ZNF541: variants seen among roughly 807,000 people sequenced by gnomAD.
The protein encoded by ZNF541 is zinc finger protein 541.
Under a neutral mutation model 123.5 loss-of-function variants are expected in ZNF541, and 23 were observed. The ratio of observed to expected loss-of-function variants is 0.19; its 90% CI spans 0.13 to 0.26. The LOEUF is 0.26. ZNF541 is among the 10% of genes least tolerant of loss of function. The probability of loss-of-function intolerance (pLI) is 1.00; values close to 1 mark genes in which losing one functional copy is unlikely to be tolerated. For synonymous variants in ZNF541, 751 were observed against 754.5 expected, an observed-to-expected ratio of 1.00 and a Z score of 0.08; for missense variants, 1,612 against 1,789.9, an observed-to-expected ratio of 0.90 and a Z score of 1.79.
chr19:47,563,483 A>G (rs549249314), intron 2 of ZNF541, among the ~76,000 whole-genome samples: 1 of 151,762 alleles, frequency 6.6e-6, no homozygotes, highest in African/African-American at 2.4e-5. Flanking sequence ...CTGTAAGCCA[A>G]ATTCAAATTT....
intron 5 of ZNF541, among the ~76,000 whole-genome samples, chr19:47,542,784 A>G (rs1428277407): frequency 2.0e-5 from 3 of 152,054 alleles, no homozygotes; most frequent in African/African-American, 7.2e-5. Flanking sequence ...CGTCTCTACT[A>G]AACACACAAA....
intron 2 of ZNF541, among the ~76,000 whole-genome samples, chr19:47,558,494 C>T (rs892443930): frequency 6.6e-6 from 1 of 151,748 alleles, no homozygotes; most frequent in Admixed American, 6.6e-5. Context: ...AATTAGATAA[C>T]TTAGATACAT....
intron 4 of ZNF541, among the ~76,000 whole-genome samples, chr19:47,546,497 G>A (rs1970365614): frequency 1.3e-5 from 2 of 151,512 alleles, no homozygotes; most frequent in Admixed American, 6.6e-5. Context: ...GGGTGACAGA[G>A]TGAGACTCTA....
rs760091622 is a variant in ZNF541, at chr19:47,544,792, C to G, written c.1737G>C (p.Gln579His). The G allele has an allele frequency of 6.6e-7, 1 of 1,525,744 alleles. No homozygotes were observed. Among genetic ancestry groups the G allele is most frequent in the South Asian group, 1.2e-5 (1 of 82,756 alleles). 94.5% of individuals were successfully genotyped at this position (1,525,744 alleles called of 1,614,324 possible). The change falls in exon 5 of 17, where the codon CAG (glutamine) becomes CAC (histidine). Residue 579 changes from glutamine (Q) to histidine (H), a missense_variant. Gln to His is a conservative substitution (Grantham distance 24). Coordinates refer to ENST00000391901, the MANE Select transcript of ZNF541 (RefSeq NM_001277075.3). ...CTGGTTTGCCCTCGGGCGCAGGGAGCTGGGAGGAGACTGCTGCCACCTGGG... is the reference window on the plus strand; with the variant it reads ...CTGGTTTGCCCTCGGGCGCAGGGAGGTGGGAGGAGACTGCTGCCACCTGGG... The part of the protein sequence containing the change: ...SHAQVAAVSS[Q>H]LPAPEGKPAA...
At chr19:47,548,508 G>C (rs551453158) in intron 4 of ZNF541, among the ~76,000 whole-genome samples, 129 of 149,862 alleles carry the variant, frequency 8.6e-4, no homozygotes, top group African/African-American at 3.0e-3. Context: ...CCATGTTCTA[G>C]AAGCAGGCGT....
intron 13 of ZNF541, 51 bp from the exon 14 acceptor site, chr19:47,529,089 A>G: frequency 7.3e-7 from 1 of 1,364,762 alleles, no homozygotes; most frequent in Non-Finnish European, 1.0e-6. Context: ...CTGGGACCAC[A>G]GCCATGGCTG....
chr19:47,559,340 C>G (rs1266351996), intron 2 of ZNF541, among the ~76,000 whole-genome samples: 1 of 151,398 alleles, frequency 6.6e-6, no homozygotes. Context: ...CCACTGCACT[C>G]CAGCCTGGGC....
At chr19:47,540,839 AG>A (rs1210910975) in intron 6 of ZNF541, 53 bp downstream of exon 6, 39 of 1,524,698 alleles carry the variant, frequency 2.6e-5, no homozygotes, top group Non-Finnish European at 3.4e-5. Flanking sequence ...CGGCACAGGA[AG>A]GCCAGAGGAC....
rs367797472 is a variant in ZNF541 at position 47,531,677 on chromosome 19, G to A, written c.3370C>T (p.Leu1124=). 1.3e-6 allele frequency: 2 copies of A among 1,548,776 alleles called. No homozygotes were observed. Among genetic ancestry groups the A allele is most frequent in the African/African-American group, 2.7e-5 (2 of 73,006 alleles). The change falls in exon 12 of 17, where the codon CTG becomes TTG. Residue 1124 remains leucine, a synonymous_variant. Coordinates refer to ENST00000391901, the MANE Select transcript of ZNF541 (RefSeq NM_001277075.3). ...CCCTGAGCCTCGTGCAGGCAGTGCA[G>A]AGCGAGCTCCAGGTTGGTGCCCCCT... The part of the protein sequence containing the change: ...PGGGTNLELA[L]HCLHEAQGNV...
At position 47,528,879 on chromosome 19, in the gene ZNF541, C is replaced by T; in HGVS notation, c.3570+71G>A. ...AGGGTGGGGCCCTCCGACCCCCGAC[C>T]AGCCCTGCAGCTCTAGCTTGTCTCA... On this transcript the variant is annotated intron_variant, in intron 14 of 16. Transcript: ENST00000391901. The T allele has an allele frequency of 3.8e-6, 5 of 1,321,720 alleles. No individual in the cohort carries two copies. In the South Asian group the frequency reaches 5.1e-5, roughly 14 times the overall value. The allele number at this position is 1,321,720 out of a possible 1,614,324, so 81.9% of individuals were successfully genotyped here.
At chr19:47,540,446 T>A in intron 6 of ZNF541, 111 bp from the exon 7 acceptor site, 1 of 1,219,926 alleles carries the variant, frequency 8.2e-7, no homozygotes, top group Non-Finnish European at 1.1e-6. Flanking sequence ...CACTGACTTT[T>A]TTTTTTTTTT....
intron 3 of ZNF541, among the ~76,000 whole-genome samples, chr19:47,551,690 G>T (rs1970608039): frequency 6.7e-6 from 1 of 149,984 alleles, no homozygotes; most frequent in South Asian, 2.1e-4. Flanking sequence ...CACCACCCCA[G>T]CTGATTTTTA....
intron 2 of ZNF541, among the ~76,000 whole-genome samples, chr19:47,557,650 G>A (rs776242653): frequency 6.6e-6 from 1 of 152,026 alleles, no homozygotes; most frequent in Non-Finnish European, 1.5e-5. Context: ...GACCAGCCTG[G>A]GCAAGACAGC....
intron 14 of ZNF541, among the ~76,000 whole-genome samples, chr19:47,526,721 CTT>C (rs980722111): frequency 3.3e-5 from 5 of 152,142 alleles, no homozygotes; most frequent in Non-Finnish European, 7.3e-5. Context: ...CTAGAAATCT[CTT>C]TTCCTGCCGG....
chr19:47,526,247 C>T (rs1157327877), intron 14 of ZNF541, among the ~76,000 whole-genome samples: 3 of 151,988 alleles, frequency 2.0e-5, no homozygotes, highest in Non-Finnish European at 2.9e-5. Flanking sequence ...TTTGGGAGGC[C>T]AAGGTGGGCA....
Position 47,532,134 on chromosome 19 carries a change from C to T in ZNF541, c.3295G>A (p.Asp1099Asn), listed in dbSNP as rs980597417. The change falls in exon 11 of 17, where the codon GAT (aspartate) becomes AAT (asparagine). Residue 1099 changes from aspartate (D) to asparagine (N), a missense_variant. By Grantham distance (23) the Asp-to-Asn change is conservative. This residue lies in a region of ZNF541 where 285 missense variants were observed against 407.3 expected (regional missense o/e 0.70). Coordinates refer to ENST00000391901, the MANE Select transcript of ZNF541 (RefSeq NM_001277075.3). ...GCCCCAAAGCCTCAGCCACCTCTATCCTGTGTCTCTGAGCTGATCATCATA... is the reference window on the plus strand; with the variant it reads ...GCCCCAAAGCCTCAGCCACCTCTATTCTGTGTCTCTGAGCTGATCATCATA... Reference protein sequence around the residue: ...GDMMISSETQDRVTELCNVAC... With the variant: ...GDMMISSETQNRVTELCNVAC... 3.9e-6 allele frequency: 6 copies of T among 1,551,710 alleles called. No individual in the cohort carries two copies. The highest frequency in any genetic ancestry group is 5.2e-6 in the Non-Finnish European group (6 of 1,146,990).
rs370590971 is a variant in ZNF541, at chr19:47,555,678, G to T, written c.179C>A (p.Thr60Lys). ...CAGCACCTCGCTGGACATGTCAGGC[G>T]TTGGGAGGCTGGGGTCCGGGTCCAG... ...SGLDPDPSLP[T>K]PDMSSEVLED... Residue 60 changes from threonine to lysine, a missense_variant, in exon 3 of 17, where the codon ACG becomes AAG. Around this residue, in one of 5 missense-constraint regions of ZNF541, gnomAD observed 212 missense variants for 289.6 expected, o/e 0.73. Coordinates refer to ENST00000391901, the MANE Select transcript of ZNF541 (RefSeq NM_001277075.3). The T allele has an allele frequency of 6.4e-7, 1 of 1,551,734 alleles. No homozygotes were observed. Among genetic ancestry groups the T allele is most frequent in the South Asian group, 1.2e-5 (1 of 84,066 alleles).
At chr19:47,563,229 G>T (rs982303198) in intron 2 of ZNF541, among the ~76,000 whole-genome samples, 1 of 152,094 alleles carries the variant, frequency 6.6e-6, no homozygotes, top group Non-Finnish European at 1.5e-5. Context: ...AATTTGAGGG[G>T]GTTTTAGAAG....
Position 47,544,630 on chromosome 19 carries a change from C to T in ZNF541, c.1899G>A (p.Gly633=). 2.6e-6 allele frequency: 4 copies of T among 1,549,886 alleles called. No homozygotes were observed. The highest frequency in any genetic ancestry group is 3.5e-6 in the Non-Finnish European group (4 of 1,146,606). The change falls in exon 5 of 17, where the codon GGG becomes GGA. Residue 633 remains glycine (G), a synonymous_variant. Coordinates refer to ENST00000391901, the MANE Select transcript of ZNF541 (RefSeq NM_001277075.3). ...TGCCGGGGGAGGCCTCTCTGGGAACCCCGGGTGTGGTTTTTCTCCTGCGGG... is the reference window on the plus strand; with the variant it reads ...TGCCGGGGGAGGCCTCTCTGGGAACTCCGGGTGTGGTTTTTCTCCTGCGGG... ...SPARRRKTTP[G]VPREASPGST... is the part of the protein sequence containing the mutation.
Sources: allele counts gnomAD v4.1 joint callset (sites outside exome capture counted in the v4.1 genomes callset), GRCh38; gene constraint gnomAD v4.1.1; regional missense constraint gnomAD v4.1.1; transcripts MANE v1.5; gene names NCBI Gene and HGNC (gene_info 2026-07-23, HGNC 2026-07-21).